Variants in NT5C3A observed in about 807,000 individuals in gnomAD.
NT5C3A encodes the protein cytosolic 5'-nucleotidase 3A.
NT5C3A carries 23 observed loss-of-function variants against 40.0 expected under a neutral mutation model. The observed-to-expected ratio is 0.58, with a 90% CI of 0.41 to 0.81. The LOEUF (loss-of-function observed/expected upper bound fraction) is 0.81. Ranked by LOEUF, NT5C3A falls within the 40% of genes least tolerant of loss-of-function variation. The probability of loss-of-function intolerance (pLI) is 0.00; values close to 1 mark genes in which losing one functional copy is unlikely to be tolerated. For missense variants in NT5C3A, 328 were observed against 403.0 expected, an observed-to-expected ratio of 0.81 and a Z score of 1.59; for synonymous variants, 130 against 141.4, an observed-to-expected ratio of 0.92 and a Z score of 0.57.
intron 1 of NT5C3A, chr7:33,029,560 A>G (rs1299729260): frequency 5.2e-6 from 4 of 776,524 alleles, no homozygotes; most frequent in Non-Finnish European, 7.7e-6. Context: ...AACACAGGAT[A>G]TATATCATAG....
At position 33,062,764 on chromosome 7, in the gene NT5C3A, G is replaced by A. The variant is rs1203356086; in HGVS notation, c.-59C>T. The A allele has an allele frequency of 2.6e-6, 4 of 1,547,964 alleles. No homozygotes were observed. Among genetic ancestry groups the A allele is most frequent in the Admixed American group, 2.0e-5 (1 of 50,912 alleles). On this transcript the variant is annotated 5_prime_UTR_variant, in exon 1 of 9. Transcript: ENST00000610140. ...AAAACAGGCAGCTCGCGTAGACTGC[G>A]AGTCTCGGAAGCGCGGGATCCCAGA...
At chr7:33,016,975 G>A (rs1172056790) in intron 7 of NT5C3A, among the ~76,000 whole-genome samples, 1 of 151,868 alleles carries the variant, frequency 6.6e-6, no homozygotes, top group Admixed American at 6.6e-5. Flanking sequence ...TTGTGGTCAG[G>A]AGTTCGAGAC....
chr7:33,048,701 A>G (rs1787250732), intron 1 of NT5C3A, among the ~76,000 whole-genome samples: 4 of 152,164 alleles, frequency 2.6e-5, no homozygotes, highest in Admixed American at 6.5e-5. Flanking sequence ...ATCATCTCCA[A>G]TGATTATGGC....
At chr7:33,021,439 A>G in intron 4 of NT5C3A, 82 bp from the exon 5 acceptor site, 6 of 1,505,712 alleles carry the variant, frequency 4.0e-6, no homozygotes, top group Non-Finnish European at 3.6e-6. Flanking sequence ...AACAATGTAA[A>G]CAAGTATTTT....
chr7:33,038,860 T>C (rs1258535260), intron 1 of NT5C3A: 1 of 456,622 alleles, frequency 2.2e-6, no homozygotes. Context: ...AGAGAAGAGT[T>C]GCTGGAAAAA....
intron 1 of NT5C3A, among the ~76,000 whole-genome samples, chr7:33,048,370 T>C (rs1425038117): frequency 6.6e-6 from 1 of 152,060 alleles, no homozygotes; most frequent in East Asian, 1.9e-4. Flanking sequence ...AATAAACAAA[T>C]TCCTTATAAA....
At chr7:33,020,300 G>GA (rs368452692) in intron 5 of NT5C3A, among the ~76,000 whole-genome samples, 1 of 151,006 alleles carries the variant, frequency 6.6e-6, no homozygotes, top group African/African-American at 2.4e-5. Context: ...GAAACGAAAA[G>GA]AAAAAAAAGC....
chr7:33,053,259 C>T (rs1223144592), intron 1 of NT5C3A, among the ~76,000 whole-genome samples: 2 of 152,100 alleles, frequency 1.3e-5, no homozygotes, highest in Admixed American at 1.3e-4. Flanking sequence ...GTAATTTTGG[C>T]TCACGGCAAC....
At chr7:33,033,252 T>TA (rs1302082851) in intron 1 of NT5C3A, among the ~76,000 whole-genome samples, 2 of 152,232 alleles carry the variant, frequency 1.3e-5, no homozygotes, top group African/African-American at 4.8e-5. Flanking sequence ...CTAGAGTTTT[T>TA]ATCCAGCTAC....
intron 3 of NT5C3A, 104 bp from the exon 4 acceptor site, chr7:33,022,203 T>C (rs1583903861): frequency 1.4e-6 from 1 of 696,466 alleles, no homozygotes; most frequent in Non-Finnish European, 2.6e-6. Context: ...CTCAATTACT[T>C]TTGCACCAAC....
chr7:33,030,481 T>G (rs1786184253), intron 1 of NT5C3A, among the ~76,000 whole-genome samples: 1 of 152,142 alleles, frequency 6.6e-6, no homozygotes, highest in South Asian at 2.1e-4. Flanking sequence ...TGATAAAATT[T>G]TATGAAAAAT....
intron 1 of NT5C3A, among the ~76,000 whole-genome samples, chr7:33,043,693 G>C (rs79365422): frequency 0.013 from 1,963 of 152,270 alleles, 51 homozygotes; most frequent in African/African-American, 0.045. Context: ...GGAGAACAGA[G>C]AAGAGAGGGA....
rs747029432 is a variant in NT5C3A at position 33,019,621 on chromosome 7, T to A, written c.530+14A>T. 4 of 1,492,462 alleles carry A rather than the reference T, an allele frequency of 2.7e-6. No individual in the cohort carries two copies. In the East Asian group the frequency reaches 9.0e-5, roughly 34 times the overall value. The allele number at this position is 1,492,462 out of a possible 1,614,324, so 92.5% of individuals were successfully genotyped here. ...CTGTGAACAATAACAGCAAAAAACA[T>A]CCAAGAAACTTACTTGAGCATAACG... is the stretch of plus-strand genomic sequence containing the variant. On this transcript the variant is annotated intron_variant, in intron 6 of 8. Transcript: ENST00000610140.
intron 6 of NT5C3A, among the ~76,000 whole-genome samples, 159 bp from the exon 7 acceptor site, chr7:33,017,760 C>T (rs1001820704): frequency 6.6e-6 from 1 of 152,212 alleles, no homozygotes; most frequent in Non-Finnish European, 1.5e-5. Context: ...ATCTACAATA[C>T]TACAAGTTTT....
At chr7:33,058,433 G>A (rs1386451156) in intron 1 of NT5C3A, among the ~76,000 whole-genome samples, 1 of 152,020 alleles carries the variant, frequency 6.6e-6, no homozygotes, top group Non-Finnish European at 1.5e-5. Context: ...TGCAACCTCT[G>A]CCTCCTGGTT....
At chr7:33,018,647 G>A (rs1181379243) in intron 6 of NT5C3A, among the ~76,000 whole-genome samples, 2 of 151,986 alleles carry the variant, frequency 1.3e-5, no homozygotes, top group East Asian at 1.9e-4. Flanking sequence ...TCAGGAGATC[G>A]AGACCATCCT....
chr7:33,050,450 C>G (rs892531067), intron 1 of NT5C3A, among the ~76,000 whole-genome samples: 1 of 152,158 alleles, frequency 6.6e-6, no homozygotes, highest in Non-Finnish European at 1.5e-5. Context: ...CCTTAGAACC[C>G]TAACCATTTG....
At position 33,047,906 on chromosome 7, in the gene NT5C3A, A is replaced by G. The variant is rs1787218502; in HGVS notation, c.138+14662T>C. Among the ~76,000 whole-genome samples the G allele has an allele frequency of 5.3e-5, 8 of 152,246 alleles. No individual in the cohort carries two copies. The South Asian group carries it at 1.7e-3, about 32-fold the overall frequency. On this transcript the variant is annotated intron_variant, in intron 1 of 8. Transcript: ENST00000610140. ...GTATGATCTTAGCTTACCAGCCTCA[A>G]CCTTCTGGGGTCAAGTGATCCTCCT...
chr7:33,051,192 C>A (rs1424570053), intron 1 of NT5C3A, among the ~76,000 whole-genome samples: 1 of 151,720 alleles, frequency 6.6e-6, no homozygotes, highest in Non-Finnish European at 1.5e-5. Context: ...GAGATGGAGT[C>A]TCACTCTGTT....
Sources: allele counts gnomAD v4.1 joint callset (sites outside exome capture counted in the v4.1 genomes callset), GRCh38; gene constraint gnomAD v4.1.1; transcripts MANE v1.5; gene names NCBI Gene and HGNC (gene_info 2026-07-23, HGNC 2026-07-21).